The following ANAPC1 variants were observed in gnomAD, a reference collection of about 807,000 sequenced individuals.
ANAPC1 encodes the protein anaphase-promoting complex subunit 1.
Under a neutral mutation model 208.0 loss-of-function variants are expected in ANAPC1, and 36 were observed. The observed-to-expected ratio is 0.17, with a 90% CI of 0.13 to 0.23. The LOEUF (loss-of-function observed/expected upper bound fraction) is 0.23. Ranked by LOEUF, ANAPC1 falls within the 10% of genes least tolerant of loss-of-function variation. ANAPC1 has a pLI of 1.00. For synonymous variants in ANAPC1, 378 were observed against 695.2 expected (o/e 0.54, Z 7.18); for missense variants, 942 against 2,011.6 (o/e 0.47, Z 10.17).
rs763120515 is a variant in ANAPC1, at chr2:111,868,060, T to C, written c.648A>G (p.Pro216=). 6.3e-7 allele frequency: 1 copy of C among 1,599,342 alleles called. No individual in the cohort carries two copies. Among genetic ancestry groups the C allele is most frequent in the Non-Finnish European group, 8.5e-7 (1 of 1,173,528 alleles). ...PLPTMFSMLH[P]LDEITPLVCK... is the part of the protein sequence containing the mutation. ...AAACAAGTGGAGTTATTTCATCTAG[T>C]GGGTGCAGCATGCTGAACATAGTAG... Residue 216 remains proline (P), a synonymous_variant, in exon 7 of 48, where the codon CCA becomes CCG. Transcript: ENST00000341068.
At position 111,880,665 on chromosome 2, in the gene ANAPC1, G is replaced by A. The variant is rs759641128; in HGVS notation, c.161C>T (p.Ala54Val). 1 of 1,613,282 alleles carries A rather than the reference G, an allele frequency of 6.2e-7. No individual in the cohort carries two copies. The highest frequency in any genetic ancestry group is 8.5e-7 in the Non-Finnish European group (1 of 1,179,846). Residue 54 changes from alanine to valine, a missense_variant, in exon 2 of 48, where the codon GCT becomes GTT. Coordinates refer to ENST00000341068, the MANE Select transcript of ANAPC1 (RefSeq NM_022662.4). The stretch of plus-strand genomic sequence containing the variant: ...CTGAAGGGATCCCACCAAGCCAGCA[G>A]CACCATCAGAAGACCATAATTCAGA... ...PASELWSSDG[A>V]AGLVGSLQEV...
At chr2:111,863,479 A>G (rs1160711386) in intron 9 of ANAPC1, among the ~76,000 whole-genome samples, 196 bp downstream of exon 9, 1 of 147,402 alleles carries the variant, frequency 6.8e-6, no homozygotes, top group African/African-American at 2.5e-5. Context: ...GCCACTGCAC[A>G]CCAGCCTGGG....
At chr2:111,877,759 G>C (rs1405800655) in intron 3 of ANAPC1, among the ~76,000 whole-genome samples, 1 of 152,076 alleles carries the variant, frequency 6.6e-6, no homozygotes, top group Admixed American at 6.6e-5. Flanking sequence ...ACTCCAGCCT[G>C]GGTGACAGAG....
chr2:111,879,001 C>T lies in ANAPC1; in HGVS notation c.214-30G>A, dbSNP rs370325355. ...AAAATTAACACATGTAAAACATATTCAAGCACTCTTTTTTTGTTCTTCAAA... is the reference window on the plus strand; with the variant it reads ...AAAATTAACACATGTAAAACATATTTAAGCACTCTTTTTTTGTTCTTCAAA... On this transcript the variant is annotated intron_variant, in intron 2 of 47. Coordinates refer to ENST00000341068, the MANE Select transcript of ANAPC1 (RefSeq NM_022662.4). 584 of 1,591,124 alleles carry T rather than the reference C, an allele frequency of 3.7e-4. 1 individual carries two copies. The African/African-American group carries it at 4.5e-3, about 12-fold the overall frequency.
At chr2:111,790,632 A>C (rs1227176941) in intron 38 of ANAPC1, among the ~76,000 whole-genome samples, 3 of 152,078 alleles carry the variant, frequency 2.0e-5, no homozygotes, top group Non-Finnish European at 4.4e-5. Flanking sequence ...AGATAGGAGA[A>C]TATCTCCTTT....
chr2:111,819,348 G>A, intron 26 of ANAPC1: 1 of 701,024 alleles, frequency 1.4e-6, no homozygotes. Flanking sequence ...TTTCAGTCTA[G>A]CTGTCCTCAG....
rs1388050925 is a variant in ANAPC1 at position 111,767,842 on chromosome 2, C to T, written c.*1449G>A. 1 of 152,188 alleles carries T rather than the reference C, an allele frequency of 6.6e-6. No individual in the cohort carries two copies. Among genetic ancestry groups the T allele is most frequent in the African/African-American group, 2.4e-5 (1 of 41,438 alleles). The allele number at this position is 152,188 out of a possible 1,614,324, so 9.4% of individuals were successfully genotyped here. On this transcript the variant is annotated 3_prime_UTR_variant, in exon 48 of 48. Coordinates refer to ENST00000341068, the MANE Select transcript of ANAPC1 (RefSeq NM_022662.4). ...AGCACATTTCAGCCTCTCAGTCAGC[C>T]CCATCGTGCCTCTGCTTCACATCCA... is the stretch of plus-strand genomic sequence containing the variant.
chr2:111,863,738 C>A lies in ANAPC1; in HGVS notation c.989G>T (p.Arg330Leu), dbSNP rs748283556. The A allele has an allele frequency of 1.9e-6, 3 of 1,613,728 alleles. No homozygotes were observed. Among genetic ancestry groups the A allele is most frequent in the African/African-American group, 1.3e-5 (1 of 74,890 alleles). ...QNYSSIHSQS[R>L]STSSPSLHSR... ...ATGTAGACTGGGTGATGAGGTTGAG[C>A]GACTCTGGCTGTGAATGGAGGAGTA... The change falls in exon 9 of 48, where the codon CGC becomes CTC. Residue 330 changes from arginine (R) to leucine (L), a missense_variant. Physicochemically the swap from Arg to Leu is moderately radical, Grantham distance 102. Transcript: ENST00000341068.
intron 46 of ANAPC1, among the ~76,000 whole-genome samples, chr2:111,775,000 G>C (rs1211332001): frequency 2.0e-5 from 3 of 152,202 alleles, no homozygotes; most frequent in Non-Finnish European, 4.4e-5. Context: ...AGGCGCCATG[G>C]CTCATGCCTG....
chr2:111,858,408 T>G lies in ANAPC1; in HGVS notation c.1263-7A>C. Reference sequence around the variant, plus strand: ...GGCTTGTGAATTTTTCTCTCTATAATAGATACATTAATAAAGTAACTGTCA... The same window carrying G: ...GGCTTGTGAATTTTTCTCTCTATAAGAGATACATTAATAAAGTAACTGTCA... On this transcript the variant is annotated splice_polypyrimidine_tract_variant and splice_region_variant and intron_variant, in intron 10 of 47. Coordinates refer to ENST00000341068, the MANE Select transcript of ANAPC1 (RefSeq NM_022662.4). 1.9e-6 allele frequency: 3 copies of G among 1,600,620 alleles called. No individual in the cohort carries two copies.
intron 34 of ANAPC1, among the ~76,000 whole-genome samples, chr2:111,796,275 T>C (rs1410797517): frequency 6.7e-6 from 1 of 149,494 alleles, no homozygotes; most frequent in South Asian, 2.1e-4. Flanking sequence ...AAGGCACTTA[T>C]AATACAGTCT....
intron 15 of ANAPC1, 127 bp downstream of exon 15, chr2:111,847,598 A>T: frequency 7.7e-7 from 1 of 1,297,380 alleles, no homozygotes; most frequent in East Asian, 2.7e-5. Context: ...CGTGCCAAAA[A>T]ATGACACAAT....
At chr2:111,841,556 G>C (rs1453082662) in intron 17 of ANAPC1, among the ~76,000 whole-genome samples, 1 of 151,920 alleles carries the variant, frequency 6.6e-6, no homozygotes, top group African/African-American at 2.4e-5. Flanking sequence ...CAGTGCTCAG[G>C]GAACAGAGCT....
At chr2:111,869,228 A>C (rs750795805) in intron 6 of ANAPC1, among the ~76,000 whole-genome samples, 1 of 151,888 alleles carries the variant, frequency 6.6e-6, no homozygotes, top group Non-Finnish European at 1.5e-5. Context: ...AAAATGGCAG[A>C]GCTAAGAACT....
At chr2:111,864,433 G>C (rs1211881177) in intron 8 of ANAPC1, among the ~76,000 whole-genome samples, 1 of 116,304 alleles carries the variant, frequency 8.6e-6, no homozygotes, top group Non-Finnish European at 1.8e-5. Flanking sequence ...AGGGTATGAA[G>C]TATTAACTAC....
At chr2:111,851,029 C>G (rs570189633) in intron 13 of ANAPC1, 119 bp from the exon 14 acceptor site, 2 of 1,190,814 alleles carry the variant, frequency 1.7e-6, no homozygotes, top group East Asian at 2.7e-5. Flanking sequence ...TTTATACTCA[C>G]CAAACACAGC....
At chr2:111,795,465 CAG>C (rs2104540337) in intron 34 of ANAPC1, among the ~76,000 whole-genome samples, 1 of 147,216 alleles carries the variant, frequency 6.8e-6, no homozygotes, top group South Asian at 2.2e-4. Flanking sequence ...AAATCAGTAA[CAG>C]GGTCATAATA....
intron 46 of ANAPC1, among the ~76,000 whole-genome samples, chr2:111,775,103 T>C (rs1190509527): frequency 3.3e-5 from 5 of 152,040 alleles, no homozygotes; most frequent in African/African-American, 4.8e-5. Context: ...CCGTCTCTAC[T>C]AAAAGTACAA....
chr2:111,879,002 A>G, intron 2 of ANAPC1, 31 bp from the exon 3 acceptor site: 2 of 1,590,856 alleles, frequency 1.3e-6, no homozygotes, highest in Non-Finnish European at 1.7e-6. Context: ...AAACATATTC[A>G]AGCACTCTTT....
Sources: allele counts gnomAD v4.1 joint callset (sites outside exome capture counted in the v4.1 genomes callset), GRCh38; gene constraint gnomAD v4.1.1; transcripts MANE v1.5; gene names NCBI Gene and HGNC (gene_info 2026-07-23, HGNC 2026-07-21).